KLF8: variants seen among roughly 807,000 people sequenced by gnomAD.
KLF8 encodes the protein Krueppel-like factor 8.
Under a neutral mutation model 18.2 loss-of-function variants are expected in KLF8, and 10 were observed. The ratio of observed to expected loss-of-function variants is 0.55; its 90% CI spans 0.34 to 0.93. The LOEUF is 0.93. KLF8 is among the 40% of genes least tolerant of loss of function. The probability of loss-of-function intolerance (pLI) is 0.02; values close to 1 mark genes in which losing one functional copy is unlikely to be tolerated. For missense variants in KLF8, 264 were observed against 277.9 expected (o/e 0.95, Z 0.36); for synonymous variants, 109 against 97.3 (o/e 1.12, Z -0.71).
the KLF8 span, among the ~76,000 whole-genome samples, chrX:56,203,361 C>T: frequency 8.9e-6 from 1 of 112,209 alleles, no homozygotes; most frequent in East Asian, 2.8e-4. Context: ...AAGATTTTCT[C>T]CCACTCTGTG....
the KLF8 span, among the ~76,000 whole-genome samples, chrX:56,047,360 C>T: frequency 1.8e-5 from 2 of 108,725 alleles, no homozygotes; most frequent in Non-Finnish European, 3.8e-5. Flanking sequence ...TGGTGTGCAG[C>T]ACCCATTAAC....
chrX:56,020,911 C>T, the KLF8 span, among the ~76,000 whole-genome samples: 1 of 112,105 alleles, frequency 8.9e-6, no homozygotes. Flanking sequence ...ATGCTCTTCA[C>T]ATCACAATAC....
intron 1 of KLF8, among the ~76,000 whole-genome samples, chrX:56,245,794 T>G (rs1326493821): frequency 7.1e-5 from 8 of 112,071 alleles, no homozygotes; most frequent in Non-Finnish European, 1.3e-4. Context: ...ACAGCTTTTG[T>G]GCAGCTGTCT....
intron 5 of KLF8, among the ~76,000 whole-genome samples, chrX:56,276,006 G>A (rs958861983): frequency 1.8e-5 from 2 of 111,789 alleles, no homozygotes; most frequent in Non-Finnish European, 1.9e-5. Context: ...GAATGAGTTT[G>A]GAGTATTTCT....
the KLF8 span, among the ~76,000 whole-genome samples, chrX:56,208,658 G>T: frequency 1.8e-5 from 2 of 110,540 alleles, no homozygotes; most frequent in African/African-American, 6.6e-5. Context: ...GTTTTGGTAT[G>T]TTGTGTTTCC....
the KLF8 span, among the ~76,000 whole-genome samples, chrX:55,938,874 G>C: frequency 5.4e-5 from 6 of 111,694 alleles, no homozygotes; most frequent in African/African-American, 2.0e-4. Flanking sequence ...GATTCATAAA[G>C]CAAGTTCTTA....
the KLF8 span, among the ~76,000 whole-genome samples, chrX:56,171,703 C>G: frequency 9.0e-6 from 1 of 111,706 alleles, no homozygotes; most frequent in East Asian, 2.8e-4. Flanking sequence ...GACATGAACT[C>G]ATCCTTTTTT....
Position 56,265,287 on chromosome X carries a change from T to G in KLF8, c.189T>G (p.Phe63Leu). Residue 63 changes from phenylalanine to leucine, a missense_variant, in exon 3 of 6, where the codon TTT (phenylalanine) becomes TTG (leucine). By Grantham distance (22) the Phe-to-Leu change is conservative. Coordinates refer to ENST00000468660, the MANE Select transcript of KLF8 (RefSeq NM_007250.5). The part of the protein sequence containing the change: ...DANPMENPAL[F>L]NDIKIEPPEE... ...ACCCCATGGAGAACCCAGCACTGTTTAATGACATCAAGATTGAGCCCCCAG... is the reference window on the plus strand; with the variant it reads ...ACCCCATGGAGAACCCAGCACTGTTGAATGACATCAAGATTGAGCCCCCAG... 1 of 1,208,504 alleles carries G rather than the reference T, an allele frequency of 8.3e-7. No individual in the cohort carries two copies. The highest frequency in any genetic ancestry group is 1.1e-6 in the Non-Finnish European group (1 of 893,529).
At chrX:56,187,336 C>G in the KLF8 span, among the ~76,000 whole-genome samples, 1 of 111,718 alleles carries the variant, frequency 9.0e-6, no homozygotes, top group Non-Finnish European at 1.9e-5. Context: ...GAAGTTGAAT[C>G]TCTGCATAGA....
At chrX:56,082,389 A>T in the KLF8 span, among the ~76,000 whole-genome samples, 1 of 110,569 alleles carries the variant, frequency 9.0e-6, no homozygotes, top group Non-Finnish European at 1.9e-5. Flanking sequence ...TTTTGTTGAC[A>T]TTCTTGAAGA....
the KLF8 span, among the ~76,000 whole-genome samples, chrX:55,941,232 T>A: frequency 2.7e-5 from 3 of 112,001 alleles, no homozygotes; most frequent in Non-Finnish European, 5.6e-5. Context: ...TACAACTATC[T>A]TATCTTTGAC....
At chrX:56,025,024 G>T in the KLF8 span, among the ~76,000 whole-genome samples, 2 of 112,489 alleles carry the variant, frequency 1.8e-5, no homozygotes, top group Non-Finnish European at 3.8e-5. Context: ...TGTCAGGATG[G>T]TTCTTTTGGG....
At chrX:56,248,522 A>G (rs1354225274) in intron 1 of KLF8, among the ~76,000 whole-genome samples, 1 of 111,689 alleles carries the variant, frequency 9.0e-6, no homozygotes, top group Non-Finnish European at 1.9e-5. Flanking sequence ...CTCTTAATCC[A>G]TAGGAATCGA....
At chrX:55,959,894 A>G in the KLF8 span, among the ~76,000 whole-genome samples, 1 of 111,197 alleles carries the variant, frequency 9.0e-6, no homozygotes, top group Admixed American at 9.5e-5. Context: ...GCAAAAAAAA[A>G]AACTTTGCAA....
the KLF8 span, among the ~76,000 whole-genome samples, chrX:56,048,808 G>A: frequency 8.9e-6 from 1 of 111,844 alleles, no homozygotes; most frequent in African/African-American, 3.2e-5. Context: ...TGTGAAGAAA[G>A]TCATTGGTAG....
At chrX:56,159,874 A>T in the KLF8 span, among the ~76,000 whole-genome samples, 1 of 110,368 alleles carries the variant, frequency 9.1e-6, no homozygotes, top group African/African-American at 3.3e-5. Flanking sequence ...GGGTTTTTTT[A>T]TGTCTCTATT....
At chrX:56,245,300 G>A (rs1056707602) in intron 1 of KLF8, among the ~76,000 whole-genome samples, 2 of 111,449 alleles carry the variant, frequency 1.8e-5, no homozygotes, top group African/African-American at 6.5e-5. Context: ...TCCCTTTCAG[G>A]GTTGGCCAAA....
chrX:56,004,555 G>A, the KLF8 span, among the ~76,000 whole-genome samples: 1 of 111,899 alleles, frequency 8.9e-6, no homozygotes, highest in Non-Finnish European at 1.9e-5. Flanking sequence ...AGAGCCACTG[G>A]ACAGAAGCTG....
intron 3 of KLF8, chrX:56,267,923 C>T (rs1441715054): frequency 3.6e-5 from 4 of 110,704 alleles, no homozygotes; most frequent in African/African-American, 9.8e-5. Context: ...GCTATAATTA[C>T]GTATCCTTTG....
Sources: allele counts gnomAD v4.1 joint callset (sites outside exome capture counted in the v4.1 genomes callset), GRCh38; gene constraint gnomAD v4.1.1; transcripts MANE v1.5; gene names NCBI Gene and HGNC (gene_info 2026-07-23, HGNC 2026-07-21).